Variants in ARHGEF40 observed in about 807,000 individuals in gnomAD.
ARHGEF40 encodes Rho guanine nucleotide exchange factor (GEF) 40.
In ARHGEF40, 98 loss-of-function variants were observed where a neutral mutation model predicts 165.9. The observed-to-expected ratio is 0.59, with a 90% CI of 0.50 to 0.70. The LOEUF is 0.70. Ranked by LOEUF, ARHGEF40 falls within the 30% of genes least tolerant of loss-of-function variation. The pLI is 0.00. For synonymous variants in ARHGEF40, 792 were observed against 814.3 expected, an observed-to-expected ratio of 0.97 and a Z score of 0.47; for missense variants, 1,815 against 1,968.0, an observed-to-expected ratio of 0.92 and a Z score of 1.47.
In ARHGEF40 at chr14:21,082,017, G is replaced by T; in HGVS notation, c.3149G>T (p.Arg1050Met). 6.4e-7 allele frequency: 1 copy of T among 1,572,112 alleles called. No individual in the cohort carries two copies. The stretch of plus-strand genomic sequence containing the variant: ...GTCACCAGCACTGAGGTGGTAGACA[G>T]GACGTGCTCACCACGGGAACACGTG... ...LEVTSTEVVD[R>M]TCSPREHVLL... The change falls in exon 14 of 24, where the codon AGG becomes ATG. Residue 1050 changes from arginine (R) to methionine (M), a missense_variant. Arg to Met is a moderately conservative substitution (Grantham distance 91). Coordinates refer to ENST00000298694, the MANE Select transcript of ARHGEF40 (RefSeq NM_018071.5).
At chr14:21,064,993 A>C in the ARHGEF40 span, among the ~76,000 whole-genome samples, 1 of 152,178 alleles carries the variant, frequency 6.6e-6, no homozygotes. Flanking sequence ...CAACATGCTG[A>C]AACCACATTT....
chr14:21,063,984 G>A, the ARHGEF40 span, among the ~76,000 whole-genome samples: 6 of 152,050 alleles, frequency 3.9e-5, no homozygotes, highest in Admixed American at 1.3e-4. Flanking sequence ...ATGCCCTACC[G>A]CTTTGAGCCA....
chr14:21,074,660 C>G lies in ARHGEF40; in HGVS notation c.930C>G (p.Ser310Arg). Residue 310 changes from serine (S) to arginine (R), a missense_variant, in exon 3 of 24, where the codon AGC becomes AGG. By Grantham distance (110) the Ser-to-Arg change is moderately radical. Transcript: ENST00000298694. The surrounding 1 kb of genome is among the most constrained non-coding windows in gnomAD (Gnocchi z 4.8). ...QDGARPPGEG[S>R]STGASPESPP... Reference sequence around the variant, plus strand: ...GAGCACGCCCACCCGGCGAGGGGAGCAGCACCGGAGCCTCCCCTGAGTCTC... The same window carrying G: ...GAGCACGCCCACCCGGCGAGGGGAGGAGCACCGGAGCCTCCCCTGAGTCTC... 3 of 1,568,350 alleles carry G rather than the reference C, an allele frequency of 1.9e-6. No individual in the cohort carries two copies. The highest frequency in any genetic ancestry group is 1.7e-6 in the Non-Finnish European group (2 of 1,158,218).
chr14:21,085,191 G>A (rs1888241256), intron 18 of ARHGEF40, among the ~76,000 whole-genome samples: 1 of 152,150 alleles, frequency 6.6e-6, no homozygotes, highest in Non-Finnish European at 1.5e-5. Flanking sequence ...TTCCCACTAA[G>A]GACACACATG....
In ARHGEF40 at chr14:21,072,015, C is replaced by T. The variant is rs765865933; in HGVS notation, c.4-1030C>T. Among the ~76,000 whole-genome samples, 33 of 152,070 alleles carry T rather than the reference C, an allele frequency of 2.2e-4. No individual in the cohort carries two copies. Among genetic ancestry groups the T allele is most frequent in the Admixed American group, 1.4e-3 (21 of 15,280 alleles). On this transcript the variant is annotated intron_variant, in intron 1 of 23. Coordinates refer to ENST00000298694, the MANE Select transcript of ARHGEF40 (RefSeq NM_018071.5). This position sits in a 1 kb window ranked among gnomAD's most constrained non-coding sequence, Gnocchi z 4.1. ...GGTATGGGGGTAGGGAAGGTAGAGA[C>T]CAAGGTAAAGGCTGCATTGAGTATC... is the stretch of plus-strand genomic sequence containing the variant.
At position 21,075,790 on chromosome 14, in the gene ARHGEF40, C is replaced by G. The variant is rs747994230; in HGVS notation, c.1739+25C>G. The stretch of plus-strand genomic sequence containing the variant: ...GGTAACCGAGGCCCAGTCCTGGCAC[C>G]CTGGACACTAACCTCCTGATTCATG... On this transcript the variant is annotated intron_variant, in intron 5 of 23. Transcript: ENST00000298694. This position sits in a 1 kb window ranked among gnomAD's most constrained non-coding sequence, Gnocchi z 4.5. The G allele has an allele frequency of 6.2e-7, 1 of 1,605,586 alleles. No individual in the cohort carries two copies. Among genetic ancestry groups the G allele is most frequent in the Non-Finnish European group, 8.5e-7 (1 of 1,175,194 alleles).
At position 21,082,054 on chromosome 14, in the gene ARHGEF40, G is replaced by A; in HGVS notation, c.3186G>A (p.Arg1062=). The change falls in exon 14 of 24, where the codon CGG becomes CGA. Residue 1062 remains arginine, a synonymous_variant. Transcript: ENST00000298694. ...CSPREHVLLG[R]ARGPDGPWGV... The stretch of plus-strand genomic sequence containing the variant: ...CACGGGAACACGTGCTGCTGGGCCG[G>A]GCTAGGGGGCCAGACGGACCCTGGG... The A allele has an allele frequency of 6.4e-7, 1 of 1,560,750 alleles. No homozygotes were observed. Among genetic ancestry groups the A allele is most frequent in the East Asian group, 2.4e-5 (1 of 41,502 alleles).
chr14:21,084,471 C>G (rs1439116850), intron 17 of ARHGEF40, among the ~76,000 whole-genome samples: 1 of 152,198 alleles, frequency 6.6e-6, no homozygotes. Flanking sequence ...TTTGCTGATT[C>G]TCTTCCTGGA....
At chr14:21,071,818 A>G (rs1314900683) in intron 1 of ARHGEF40, among the ~76,000 whole-genome samples, 2 of 152,022 alleles carry the variant, frequency 1.3e-5, no homozygotes, top group Non-Finnish European at 2.9e-5. Flanking sequence ...TCCCGGGAAC[A>G]CTGGGGGTCT....
In ARHGEF40 at chr14:21,080,977, C is replaced by G; in HGVS notation, c.2601C>G (p.Gly867=). ...AGCGGCTGGAGCAGGTTGAGAGTGG[C>G]CTCCATCGGGCCCTGCGGCTACAGC... ...FEQRLEQVES[G]LHRALRLQRF... The change falls in exon 13 of 24, where the codon GGC becomes GGG. Residue 867 remains glycine, a synonymous_variant. Transcript: ENST00000298694. 6.2e-7 allele frequency: 1 copy of G among 1,614,164 alleles called. No individual in the cohort carries two copies. Among genetic ancestry groups the G allele is most frequent in the Non-Finnish European group, 8.5e-7 (1 of 1,180,020 alleles).
intron 10 of ARHGEF40, 38 bp from the exon 11 acceptor site, chr14:21,078,846 C>T (rs764889835): frequency 6.3e-7 from 1 of 1,598,260 alleles, no homozygotes; most frequent in Non-Finnish European, 8.6e-7. Context: ...AGGGGCTCAA[C>T]AAGGGAAATG....
At position 21,081,785 on chromosome 14, in the gene ARHGEF40, G is replaced by A. The variant is rs753869163; in HGVS notation, c.2917G>A (p.Ala973Thr). Residue 973 changes from alanine to threonine, a missense_variant, in exon 14 of 24, where the codon GCC (alanine) becomes ACC (threonine). Physicochemically the swap from Ala to Thr is moderately conservative, Grantham distance 58. Transcript: ENST00000298694. ...CTACCGACGACGGCGGGCAGACGGT[G>A]CCAGCAGTGGAGGGGCCCAGTGGGG... is the stretch of plus-strand genomic sequence containing the variant. The part of the protein sequence containing the change: ...RGYRRRRADG[A>T]SSGGAQWGPR... 1.3e-5 allele frequency: 21 copies of A among 1,596,850 alleles called. No homozygotes were observed. The highest frequency in any genetic ancestry group is 1.7e-5 in the Non-Finnish European group (20 of 1,172,978).
At position 21,074,678 on chromosome 14, in the gene ARHGEF40, TG is replaced by T. The variant is rs1566523865; in HGVS notation, c.949del (p.Glu317SerfsTer34). ...AGGGGAGCAGCACCGGAGCCTCCCCTGAGTCTCCCCCAGGAGCTGAGGCTGT... is the reference window on the plus strand; with the variant it reads ...AGGGGAGCAGCACCGGAGCCTCCCCTAGTCTCCCCCAGGAGCTGAGGCTGT... The part of the protein sequence containing the change: ...GEGSSTGASP[E>X]SPPGAEAVPE... On this transcript the variant is annotated frameshift_variant, in exon 3 of 24. Transcript: ENST00000298694. LOFTEE classifies it high-confidence loss of function. The surrounding 1 kb of genome is among the most constrained non-coding windows in gnomAD (Gnocchi z 4.8). 1 of 1,576,206 alleles carries T rather than the reference TG, an allele frequency of 6.3e-7. No individual in the cohort carries two copies. The highest frequency in any genetic ancestry group is 8.6e-7 in the Non-Finnish European group (1 of 1,162,152).
At chr14:21,081,044 C>G (rs1402399016) in intron 13 of ARHGEF40, 28 bp downstream of exon 13, 2 of 1,569,982 alleles carry the variant, frequency 1.3e-6, no homozygotes, top group East Asian at 2.2e-5. Flanking sequence ...TCCTTCTGTG[C>G]CCCCCCATTT....
intron 13 of ARHGEF40, 174 bp from the exon 14 acceptor site, chr14:21,081,335 T>C (rs1887874014): frequency 1.0e-6 from 1 of 961,668 alleles, no homozygotes; most frequent in African/African-American, 1.6e-5. Flanking sequence ...TCCATCTCCA[T>C]ACCAACTCCG....
chr14:21,070,261 G>T, upstream of ARHGEF40: 1 of 971,224 alleles, frequency 1.0e-6, no homozygotes, highest in South Asian at 5.1e-5. This position sits in a 1 kb window ranked among gnomAD's most constrained non-coding sequence, Gnocchi z 4.7. Flanking sequence ...CTGGAAGCCG[G>T]AGCGGGCCGA....
intron 18 of ARHGEF40, 104 bp downstream of exon 18, chr14:21,085,027 A>G (rs891158575): frequency 9.4e-6 from 13 of 1,381,232 alleles, no homozygotes; most frequent in Middle Eastern, 2.1e-4. Context: ...CAGAATCTGC[A>G]TCATCTAGAA....
upstream of ARHGEF40, among the ~76,000 whole-genome samples, chr14:21,069,883 GGAA>G (rs1886543950): frequency 1.3e-5 from 2 of 152,244 alleles, no homozygotes; most frequent in Non-Finnish European, 1.5e-5. Context: ...TCCAGCCGCA[GGAA>G]GACCCCAGTT....
chr14:21,083,097 G>A (rs985853193), intron 16 of ARHGEF40, among the ~76,000 whole-genome samples, 180 bp downstream of exon 16: 22 of 152,170 alleles, frequency 1.4e-4, no homozygotes, highest in Admixed American at 9.2e-4. Context: ...TTCTTATCCA[G>A]TCCACCTGAG....
Sources: gnomAD v4.1 joint callset for allele counts (sites outside exome capture counted in the v4.1 genomes callset) on GRCh38, gnomAD v4.1.1 for gene constraint, Gnocchi (gnomAD v3.1) non-coding constraint, MANE v1.5 for transcripts, NCBI Gene and HGNC (gene_info 2026-07-23, HGNC 2026-07-21) for gene names.